Variants in PTPRE observed in about 807,000 individuals in gnomAD.
PTPRE encodes protein tyrosine phosphatase receptor type E.
In PTPRE, 51 loss-of-function variants were observed where a neutral mutation model predicts 102.0. That is an observed-to-expected ratio of 0.50 (90% CI 0.40 to 0.63). The LOEUF (loss-of-function observed/expected upper bound fraction) is 0.63. PTPRE is among the 30% of genes least tolerant of loss of function. The pLI, the probability that PTPRE is intolerant of heterozygous loss-of-function variation, is 0.00. For synonymous variants in PTPRE, 345 were observed against 348.2 expected (o/e 0.99, Z 0.10); for missense variants, 752 against 915.1 (o/e 0.82, Z 2.30).
chr10:127,971,330 C>T (rs533973240), intron 1 of PTPRE, among the ~76,000 whole-genome samples: 7 of 152,300 alleles, frequency 4.6e-5, no homozygotes, highest in East Asian at 1.9e-4. Context: ...ATGGGTCTTA[C>T]GTAAGAGACC....
chr10:128,038,736 A>G (rs949364348), intron 2 of PTPRE, among the ~76,000 whole-genome samples: 6 of 152,162 alleles, frequency 3.9e-5, no homozygotes, highest in Non-Finnish European at 7.4e-5. Flanking sequence ...CAGCACACCA[A>G]CATGGCACAT....
Position 128,085,158 on chromosome 10 carries a change from A to G in PTPRE, c.*2252A>G, listed in dbSNP as rs1255271742. On this transcript the variant is annotated 3_prime_UTR_variant, in exon 21 of 21. Transcript: ENST00000254667. Reference sequence around the variant, plus strand: ...GCGTTCGCCCTTTAGCGGGGAGGTCATTACAGCCTCATGGCCTCTACCAAG... The same window carrying G: ...GCGTTCGCCCTTTAGCGGGGAGGTCGTTACAGCCTCATGGCCTCTACCAAG... 2 of 455,498 alleles carry G rather than the reference A, an allele frequency of 4.4e-6. No individual in the cohort carries two copies. The highest frequency in any genetic ancestry group is 8.8e-6 in the Non-Finnish European group (2 of 226,456). The allele number at this position is 455,498 out of a possible 1,614,324, so 28.2% of individuals were successfully genotyped here. A position where few individuals can be genotyped will look rare whatever the true frequency, so the allele number is the denominator to read the frequency against.
rs1847733962 is a variant in PTPRE, at chr10:128,041,985, G to C, written c.109+995G>C. ...CTGGTGACAGAACCTCTAGCAAGGA[G>C]AGCAGTTCTGAGCGCCCACCTGTCT... On this transcript the variant is annotated intron_variant, in intron 3 of 20. Transcript: ENST00000254667. Among the ~76,000 whole-genome samples, 3 of 152,180 alleles carry C rather than the reference G, an allele frequency of 2.0e-5. No homozygotes were observed. In the South Asian group the frequency reaches 6.2e-4, roughly 32 times the overall value.
chr10:127,973,202 G>T (rs942154201), intron 1 of PTPRE, among the ~76,000 whole-genome samples: 1 of 152,192 alleles, frequency 6.6e-6, no homozygotes, highest in Non-Finnish European at 1.5e-5. Context: ...CTGGTTCACA[G>T]AACTTTTTCA....
At chr10:128,068,058 T>G in intron 11 of PTPRE, 65 bp from the exon 12 acceptor site, 9 of 1,543,712 alleles carry the variant, frequency 5.8e-6, no homozygotes, top group Non-Finnish European at 7.9e-6. Flanking sequence ...GTCCTCAGAA[T>G]GAGATGCTGG....
chr10:127,945,488 CACAA>C (rs1848560157), intron 1 of PTPRE, among the ~76,000 whole-genome samples: 1 of 152,328 alleles, frequency 6.6e-6, no homozygotes, highest in Admixed American at 6.5e-5. Flanking sequence ...GAACAAATGT[CACAA>C]ACAATGAATG....
chr10:128,035,620 G>T (rs1041594828), intron 2 of PTPRE, among the ~76,000 whole-genome samples: 1 of 152,206 alleles, frequency 6.6e-6, no homozygotes, highest in Non-Finnish European at 1.5e-5. Flanking sequence ...CCAAACAGCT[G>T]CAGGTTTTGA....
intron 1 of PTPRE, among the ~76,000 whole-genome samples, chr10:127,922,492 G>A (rs772873824): frequency 2.0e-5 from 3 of 152,242 alleles, no homozygotes; most frequent in Non-Finnish European, 4.4e-5. Flanking sequence ...GGATTGAGAA[G>A]GCCTCATGCC....
At chr10:128,082,191 CTTTCT>C (rs1405904858) in intron 20 of PTPRE, among the ~76,000 whole-genome samples, 1 of 55,392 alleles carries the variant, frequency 1.8e-5, no homozygotes, top group South Asian at 6.0e-4. Context: ...ATTTTTTTCT[CTTTCT>C]TTTTTTTTTT....
chr10:128,067,858 G>A (rs1850406951), intron 11 of PTPRE, among the ~76,000 whole-genome samples: 1 of 152,214 alleles, frequency 6.6e-6, no homozygotes, highest in African/African-American at 2.4e-5. Flanking sequence ...CAACTTTGGG[G>A]ATGTGTCTGG....
At position 128,069,684 on chromosome 10, in the gene PTPRE, C is replaced by T. The variant is rs1850594284; in HGVS notation, c.1008-8C>T. The T allele has an allele frequency of 1.2e-6, 2 of 1,614,054 alleles. No homozygotes were observed. On this transcript the variant is annotated splice_polypyrimidine_tract_variant and splice_region_variant and intron_variant, in intron 12 of 20. Coordinates refer to ENST00000254667, the MANE Select transcript of PTPRE (RefSeq NM_006504.6). ...CTCACGACGCAGCATCTTTCTCTTT[C>T]CCCAAAGCGCGGGCGTGGGCCGGAC...
At chr10:128,077,819 G>C in intron 19 of PTPRE, 36 bp downstream of exon 19, 1 of 1,557,912 alleles carries the variant, frequency 6.4e-7, no homozygotes, top group Non-Finnish European at 8.8e-7. Context: ...AGGTGGGGTG[G>C]ACACAGGCTG....
In PTPRE at chr10:128,084,885, T is replaced by C. The variant is rs1851986042; in HGVS notation, c.*1979T>C. The stretch of plus-strand genomic sequence containing the variant: ...CTTTGGTTCATGTCTAGGAGCCCTC[T>C]GTCAGAATCCTTGAAGCCCTTTAAT... On this transcript the variant is annotated 3_prime_UTR_variant, in exon 21 of 21. Transcript: ENST00000254667. 1.9e-5 allele frequency: 4 copies of C among 210,914 alleles called. No homozygotes were observed. Among genetic ancestry groups the C allele is most frequent in the Admixed American group, 1.0e-4 (2 of 19,080 alleles). 13.1% of individuals were successfully genotyped at this position (210,914 alleles called of 1,614,324 possible). A position where few individuals can be genotyped will look rare whatever the true frequency, so the allele number is the denominator to read the frequency against.
chr10:127,913,373 C>G (rs964266697), intron 1 of PTPRE, among the ~76,000 whole-genome samples: 2 of 152,242 alleles, frequency 1.3e-5, no homozygotes, highest in African/African-American at 4.8e-5. Context: ...TTGGACATTT[C>G]CAGCTGAACA....
intron 2 of PTPRE, among the ~76,000 whole-genome samples, chr10:128,006,955 G>A (rs1443011331): frequency 1.3e-5 from 2 of 152,082 alleles, no homozygotes; most frequent in Non-Finnish European, 2.9e-5. Context: ...ACAACTCCAC[G>A]GCTCCTAGTC....
intron 1 of PTPRE, among the ~76,000 whole-genome samples, chr10:127,953,091 C>T (rs543269701): frequency 6.6e-6 from 1 of 152,310 alleles, no homozygotes; most frequent in East Asian, 1.9e-4. Flanking sequence ...ACACATTTCT[C>T]CTTTGGGTGT....
rs908221128 is a variant in PTPRE at position 128,008,557 on chromosome 10, G to A, written c.-8+26261G>A. ...CTGGAGTTGGGGGTGGTATTTCCTGGGAGACAGCCAGCCTGGGCTAGTGGA... is the reference window on the plus strand; with the variant it reads ...CTGGAGTTGGGGGTGGTATTTCCTGAGAGACAGCCAGCCTGGGCTAGTGGA... On this transcript the variant is annotated intron_variant, in intron 2 of 20. Transcript: ENST00000254667. This position sits in a 1 kb window ranked among gnomAD's most constrained non-coding sequence, Gnocchi z 4.0. Among the ~76,000 whole-genome samples the A allele has an allele frequency of 2.0e-5, 3 of 152,134 alleles. No individual in the cohort carries two copies. Among genetic ancestry groups the A allele is most frequent in the Middle Eastern group, 3.2e-3 (1 of 316 alleles).
At chr10:127,997,384 C>T (rs1213581209) in intron 2 of PTPRE, among the ~76,000 whole-genome samples, 2 of 152,224 alleles carry the variant, frequency 1.3e-5, no homozygotes, top group Non-Finnish European at 2.9e-5. Flanking sequence ...CTGCTGCTGG[C>T]TGTGAGGCAT....
At chr10:128,014,904 T>C (rs1376385969) in intron 2 of PTPRE, among the ~76,000 whole-genome samples, 1 of 152,006 alleles carries the variant, frequency 6.6e-6, no homozygotes, top group African/African-American at 2.4e-5. Flanking sequence ...GGGAATGGGA[T>C]GGGGTGGGGG....
Sources: gnomAD v4.1 joint callset for allele counts (sites outside exome capture counted in the v4.1 genomes callset) on GRCh38, gnomAD v4.1.1 for gene constraint, Gnocchi (gnomAD v3.1) non-coding constraint, MANE v1.5 for transcripts, NCBI Gene and HGNC (gene_info 2026-07-23, HGNC 2026-07-21) for gene names.